Variants in CNTNAP4 observed in about 807,000 individuals in gnomAD.
CNTNAP4 encodes contactin-associated protein-like 4.
Under a neutral mutation model 148.4 loss-of-function variants are expected in CNTNAP4, and 98 were observed. That is an observed-to-expected ratio of 0.66 (90% CI 0.56 to 0.78). The LOEUF (loss-of-function observed/expected upper bound fraction) is 0.78, where lower values mean the gene tolerates loss of function less well. Ranked by LOEUF, CNTNAP4 falls within the 30% of genes least tolerant of loss-of-function variation. CNTNAP4 has a pLI of 0.00. For synonymous variants in CNTNAP4, 730 were observed against 565.1 expected (o/e 1.29, Z -4.14); for missense variants, 1,935 against 1,565.6 (o/e 1.24, Z -3.98).
At chr16:76,316,388 A>T in intron 1 of CNTNAP4, 25 bp from the exon 2 acceptor site, 1 of 1,523,632 alleles carries the variant, frequency 6.6e-7, no homozygotes. Context: ...AACTAACCCT[A>T]ACGTGGCATT....
At chr16:76,328,737 C>T (rs760808684) in intron 2 of CNTNAP4, among the ~76,000 whole-genome samples, 1 of 152,100 alleles carries the variant, frequency 6.6e-6, no homozygotes, top group Non-Finnish European at 1.5e-5. Context: ...CCTCCGCCTC[C>T]CAGGTTCAAG....
At chr16:76,279,540 A>G (rs1958607626) in intron 1 of CNTNAP4, among the ~76,000 whole-genome samples, 1 of 152,184 alleles carries the variant, frequency 6.6e-6, no homozygotes, top group Admixed American at 6.5e-5. Context: ...GACACTTAAA[A>G]TTTCAGTGCT....
At chr16:76,455,186 G>A (rs2080676691) in intron 8 of CNTNAP4, among the ~76,000 whole-genome samples, 1 of 152,078 alleles carries the variant, frequency 6.6e-6, no homozygotes, top group African/African-American at 2.4e-5. Context: ...CTTTATAAAT[G>A]TCAAAGCAAA....
intron 3 of CNTNAP4, among the ~76,000 whole-genome samples, chr16:76,365,174 C>T (rs1314782250): frequency 6.6e-6 from 1 of 152,118 alleles, no homozygotes; most frequent in South Asian, 2.1e-4. Context: ...TGTCAAAGAT[C>T]AGATGGTTGT....
chr16:76,487,563 A>G (rs901648498), intron 12 of CNTNAP4, among the ~76,000 whole-genome samples: 5 of 152,202 alleles, frequency 3.3e-5, no homozygotes, highest in African/African-American at 1.2e-4. Flanking sequence ...AGAGATTTCC[A>G]GATTAATGAA....
intron 14 of CNTNAP4, among the ~76,000 whole-genome samples, chr16:76,495,398 A>G (rs2082368100): frequency 6.6e-6 from 1 of 152,080 alleles, no homozygotes; most frequent in Non-Finnish European, 1.5e-5. Flanking sequence ...TTACAGCCAA[A>G]GCACATTTCT....
Position 76,377,628 on chromosome 16 carries a change from G to T in CNTNAP4, c.390+22117G>T, listed in dbSNP as rs995317579. Among the ~76,000 whole-genome samples, 9 of 152,162 alleles carry T rather than the reference G, an allele frequency of 5.9e-5. 1 individual carries two copies. Among genetic ancestry groups the T allele is most frequent in the Admixed American group, 2.0e-4 (3 of 15,276 alleles). On this transcript the variant is annotated intron_variant, in intron 3 of 23. Transcript: ENST00000611870. ...AGAGTTGCAAGGGGTGTGAAGAAAT[G>T]ACCTGTGGTTTGCCAGAGGACCTCA...
intron 3 of CNTNAP4, among the ~76,000 whole-genome samples, chr16:76,356,560 AG>A (rs1487517765): frequency 2.6e-5 from 4 of 152,230 alleles, no homozygotes; most frequent in African/African-American, 9.6e-5. Flanking sequence ...TTGATAACAA[AG>A]GAAAGACTTC....
At chr16:76,500,240 C>T (rs2082576716) in intron 15 of CNTNAP4, among the ~76,000 whole-genome samples, 1 of 152,204 alleles carries the variant, frequency 6.6e-6, no homozygotes, top group East Asian at 1.9e-4. Flanking sequence ...GCTGCCCCCA[C>T]CTTCCGGACG....
At chr16:76,281,767 T>A (rs1958696368) in intron 1 of CNTNAP4, among the ~76,000 whole-genome samples, 2 of 151,976 alleles carry the variant, frequency 1.3e-5, no homozygotes, top group South Asian at 4.1e-4. Context: ...TGTTTTTGTA[T>A]GACCCATGGG....
At chr16:76,526,053 G>T (rs1032202660) in intron 17 of CNTNAP4, among the ~76,000 whole-genome samples, 7 of 151,984 alleles carry the variant, frequency 4.6e-5, no homozygotes, top group Admixed American at 3.9e-4. Context: ...AAAAAGGGTA[G>T]CATGGAATCA....
chr16:76,526,021 G>A (rs911274636), intron 17 of CNTNAP4, among the ~76,000 whole-genome samples: 2 of 151,706 alleles, frequency 1.3e-5, no homozygotes, highest in African/African-American at 2.4e-5. Flanking sequence ...ACATTTTCAG[G>A]TAGTGATAAA....
intron 3 of CNTNAP4, among the ~76,000 whole-genome samples, chr16:76,378,829 G>T (rs553090372): frequency 1.4e-4 from 21 of 152,322 alleles, no homozygotes; most frequent in Middle Eastern, 6.8e-3. Flanking sequence ...CTCACCTAGG[G>T]TCGGCCAAGA....
chr16:76,409,911 C>T (rs1175467095), intron 3 of CNTNAP4, among the ~76,000 whole-genome samples: 1 of 151,834 alleles, frequency 6.6e-6, no homozygotes, highest in Non-Finnish European at 1.5e-5. Flanking sequence ...ATCACAACTG[C>T]ATGTTATTGA....
At chr16:76,463,600 A>G (rs1405452453) in intron 9 of CNTNAP4, among the ~76,000 whole-genome samples, 3 of 152,220 alleles carry the variant, frequency 2.0e-5, no homozygotes, top group Non-Finnish European at 4.4e-5. Flanking sequence ...GCAAAAATAT[A>G]GAGAGTTCCT....
chr16:76,409,749 G>T (rs1249645027), intron 3 of CNTNAP4, among the ~76,000 whole-genome samples: 1 of 151,888 alleles, frequency 6.6e-6, no homozygotes, highest in Non-Finnish European at 1.5e-5. Flanking sequence ...TTGTCACTTT[G>T]ATCAAAGCAT....
intron 3 of CNTNAP4, among the ~76,000 whole-genome samples, chr16:76,417,734 A>G (rs914255859): frequency 6.6e-6 from 1 of 151,634 alleles, no homozygotes; most frequent in African/African-American, 2.4e-5. Context: ...GAGCTATATA[A>G]CTTTCCTTTT....
intron 3 of CNTNAP4, among the ~76,000 whole-genome samples, chr16:76,361,168 C>T (rs146257001): frequency 2.6e-5 from 4 of 152,118 alleles, no homozygotes; most frequent in Non-Finnish European, 4.4e-5. Flanking sequence ...TGAAATCTAA[C>T]GTCTTGACAA....
intron 2 of CNTNAP4, among the ~76,000 whole-genome samples, chr16:76,331,256 C>T (rs529806109): frequency 7.4e-4 from 112 of 151,704 alleles, no homozygotes; most frequent in Middle Eastern, 6.8e-3. Context: ...GGCGCGATCT[C>T]GGCTCACTGT....
Sources: gnomAD v4.1 joint callset for allele counts (sites outside exome capture counted in the v4.1 genomes callset) on GRCh38, gnomAD v4.1.1 for gene constraint, MANE v1.5 for transcripts, NCBI Gene and HGNC (gene_info 2026-07-23, HGNC 2026-07-21) for gene names.